The following B4GALNT3 variants were observed in gnomAD, a reference collection of about 807,000 sequenced individuals.
The protein encoded by B4GALNT3 is beta-1,4-N-acetylgalactosaminyltransferase 3.
A neutral mutation model predicts 120.2 loss-of-function variants in B4GALNT3; 86 were observed. The observed-to-expected ratio is 0.72, with a 90% CI of 0.60 to 0.86. The LOEUF is 0.86. B4GALNT3 is among the 40% of genes least tolerant of loss of function. B4GALNT3 has a pLI of 0.00. For missense variants in B4GALNT3, 1,167 were observed against 1,298.9 expected (o/e 0.90, Z 1.56); for synonymous variants, 518 against 510.4 (o/e 1.01, Z -0.20).
chr12:544,562 T>G, intron 4 of B4GALNT3, 128 bp downstream of exon 4: 1 of 857,454 alleles, frequency 1.2e-6, no homozygotes, highest in South Asian at 1.5e-5. Flanking sequence ...GCTCTCTTTT[T>G]GTCTGCCCAT....
At chr12:496,636 A>G (rs1390931869) in intron 1 of B4GALNT3, among the ~76,000 whole-genome samples, 1 of 152,174 alleles carries the variant, frequency 6.6e-6, no homozygotes, top group Non-Finnish European at 1.5e-5. Flanking sequence ...ATTCAGCGGC[A>G]TTTAGTACAT....
intron 1 of B4GALNT3, among the ~76,000 whole-genome samples, chr12:518,041 G>A (rs1444460407): frequency 6.6e-6 from 1 of 152,210 alleles, no homozygotes; most frequent in East Asian, 1.9e-4. Flanking sequence ...AGGAAAATGG[G>A]GAGAATAGTA....
At chr12:478,577 A>G (rs1401578815) in intron 1 of B4GALNT3, among the ~76,000 whole-genome samples, 3 of 152,220 alleles carry the variant, frequency 2.0e-5, no homozygotes, top group Admixed American at 2.0e-4. Context: ...TTTCTGGGAT[A>G]TAGAAATTGG....
intron 1 of B4GALNT3, among the ~76,000 whole-genome samples, chr12:503,891 G>T (rs1946468164): frequency 1.3e-5 from 2 of 152,132 alleles, no homozygotes; most frequent in Admixed American, 1.3e-4. Context: ...GAGGTGGGTG[G>T]ATTGCCTGAG....
chr12:487,862 G>A (rs1482196152), intron 1 of B4GALNT3, among the ~76,000 whole-genome samples: 1 of 151,856 alleles, frequency 6.6e-6, no homozygotes, highest in African/African-American at 2.4e-5. Context: ...GAGGTGGGAG[G>A]ATCACTAGAG....
At chr12:525,723 T>C (rs1364073598) in intron 1 of B4GALNT3, among the ~76,000 whole-genome samples, 1 of 152,202 alleles carries the variant, frequency 6.6e-6, no homozygotes, top group Non-Finnish European at 1.5e-5. Context: ...CACAGGCTTT[T>C]GACCAGCTAC....
In B4GALNT3 at chr12:460,477, T is replaced by C; in HGVS notation, c.101T>C (p.Val34Ala). 1 of 1,586,622 alleles carries C rather than the reference T, an allele frequency of 6.3e-7. No individual in the cohort carries two copies. Among genetic ancestry groups the C allele is most frequent in the Non-Finnish European group, 8.6e-7 (1 of 1,167,826 alleles). The change falls in exon 1 of 20, where the codon GTG becomes GCG. Residue 34 changes from valine to alanine, a missense_variant. By Grantham distance (64) the Val-to-Ala change is moderately conservative. Coordinates refer to ENST00000266383, the MANE Select transcript of B4GALNT3 (RefSeq NM_173593.4). This position sits in a 1 kb window ranked among gnomAD's most constrained non-coding sequence, Gnocchi z 8.0. ...CTGCTGGCGCTCGCCGTGGTGTCTG[T>C]GGGGCTCTGGACTCTGTATCTGGAA... ...RLLLALAVVS[V>A]GLWTLYLELV...
chr12:532,742 A>G (rs1301960130), intron 1 of B4GALNT3, among the ~76,000 whole-genome samples: 1 of 152,072 alleles, frequency 6.6e-6, no homozygotes, highest in Non-Finnish European at 1.5e-5. Context: ...GAGGTCTTGT[A>G]AAAAAGAGTG....
chr12:477,518 G>C (rs144740067), intron 1 of B4GALNT3, among the ~76,000 whole-genome samples: 44 of 152,310 alleles, frequency 2.9e-4, no homozygotes, highest in African/African-American at 1.0e-3. Context: ...AAAGGCCAAG[G>C]CTCGACATTC....
Position 499,025 on chromosome 12 carries a change from G to A in B4GALNT3, c.170-36141G>A, listed in dbSNP as rs150415341. Among the ~76,000 whole-genome samples the A allele has an allele frequency of 4.0e-3, 602 of 152,300 alleles. 4 individuals are homozygous for A. The highest frequency in any genetic ancestry group is 0.014 in the African/African-American group (575 of 41,568). ...ATAATGGAGCTTTGGCATACAGAGAGGACACAAAATCTGGTGGGGTATTCT... is the reference window on the plus strand; with the variant it reads ...ATAATGGAGCTTTGGCATACAGAGAAGACACAAAATCTGGTGGGGTATTCT... On this transcript the variant is annotated intron_variant, in intron 1 of 19. Coordinates refer to ENST00000266383, the MANE Select transcript of B4GALNT3 (RefSeq NM_173593.4).
At chr12:498,904 G>A (rs1275194899) in intron 1 of B4GALNT3, among the ~76,000 whole-genome samples, 1 of 152,178 alleles carries the variant, frequency 6.6e-6, no homozygotes, top group East Asian at 1.9e-4. Flanking sequence ...AGTTTCCATT[G>A]CCCTACCCTG....
chr12:544,931 A>G lies in B4GALNT3; in HGVS notation c.497A>G (p.Tyr166Cys), dbSNP rs1157374577. The part of the protein sequence containing the change: ...KLAVSPKWTN[Y>C]GLRIFGYLHP... ...GCTGTGTCCCCCAAATGGACCAACTATGGCCTCCGCATCTTTGGCTACCTG... is the reference window on the plus strand; with the variant it reads ...GCTGTGTCCCCCAAATGGACCAACTGTGGCCTCCGCATCTTTGGCTACCTG... Residue 166 changes from tyrosine (Y) to cysteine (C), a missense_variant, in exon 5 of 20, where the codon TAT (tyrosine) becomes TGT (cysteine). Transcript: ENST00000266383. The G allele has an allele frequency of 3.1e-6, 5 of 1,614,014 alleles. No homozygotes were observed. The highest frequency in any genetic ancestry group is 3.3e-5 in the Admixed American group (2 of 60,020).
In B4GALNT3 at chr12:536,306, T is replaced by G. The variant is rs1338099094; in HGVS notation, c.351+11T>G. 1 of 1,601,004 alleles carries G rather than the reference T, an allele frequency of 6.2e-7. No homozygotes were observed. Among genetic ancestry groups the G allele is most frequent in the Admixed American group, 1.7e-5 (1 of 60,002 alleles). ...CCCTGGCTCTCAGAGGTGAGGGACT[T>G]TCTATTGTACCTGCCCTTTGAGAGA... On this transcript the variant is annotated intron_variant, in intron 3 of 19. Coordinates refer to ENST00000266383, the MANE Select transcript of B4GALNT3 (RefSeq NM_173593.4).
chr12:516,110 C>T (rs1043027209), intron 1 of B4GALNT3, among the ~76,000 whole-genome samples: 1 of 150,018 alleles, frequency 6.7e-6, no homozygotes, highest in Non-Finnish European at 1.5e-5. Context: ...AGTGCCACTG[C>T]ACTCCAGCCT....
At chr12:500,382 T>A (rs1431961500) in intron 1 of B4GALNT3, among the ~76,000 whole-genome samples, 1 of 152,116 alleles carries the variant, frequency 6.6e-6, no homozygotes, top group African/African-American at 2.4e-5. Context: ...CAACAGGAGG[T>A]TCATGGGAGG....
rs1281485235 is a variant in B4GALNT3, at chr12:484,000, TA to T, written c.169+23458del. 2.7e-4 allele frequency among the ~76,000 whole-genome samples: 41 copies of T among 152,196 alleles called. 1 individual carries two copies. Among genetic ancestry groups the T allele is most frequent in the African/African-American group, 9.7e-4 (40 of 41,448 alleles). On this transcript the variant is annotated intron_variant, in intron 1 of 19. Coordinates refer to ENST00000266383, the MANE Select transcript of B4GALNT3 (RefSeq NM_173593.4). ...TCTCTCTAATTTGTTTCCCAGTTCA[TA>T]AAGTGGAACTAACTTTACTTGCTGC... is the stretch of plus-strand genomic sequence containing the variant.
intron 1 of B4GALNT3, among the ~76,000 whole-genome samples, chr12:512,921 GCCTTCCA>G (rs1315535233): frequency 2.0e-4 from 15 of 75,508 alleles, no homozygotes; most frequent in Non-Finnish European, 3.0e-4. Context: ...TCCACCTTCT[GCCTTCCA>G]CCTTCCACCT....
At chr12:539,946 C>T (rs1048493080) in intron 3 of B4GALNT3, among the ~76,000 whole-genome samples, 7 of 152,296 alleles carry the variant, frequency 4.6e-5, no homozygotes, top group Non-Finnish European at 1.0e-4. Flanking sequence ...TCGAGTACCT[C>T]GAAACTCTGA....
At chr12:511,427 A>T (rs1269821567) in intron 1 of B4GALNT3, among the ~76,000 whole-genome samples, 1 of 58,432 alleles carries the variant, frequency 1.7e-5, no homozygotes, top group African/African-American at 8.3e-5. Context: ...TCCACCTTCC[A>T]CCTTCTTCCA....
Sources: gnomAD v4.1 joint callset for allele counts (sites outside exome capture counted in the v4.1 genomes callset) on GRCh38, gnomAD v4.1.1 for gene constraint, Gnocchi (gnomAD v3.1) non-coding constraint, MANE v1.5 for transcripts, NCBI Gene and HGNC (gene_info 2026-07-23, HGNC 2026-07-21) for gene names.